MPHOSPH10: variants seen among roughly 807,000 people sequenced by gnomAD.
The protein encoded by MPHOSPH10 is U3 small nucleolar ribonucleoprotein MPP10.
A neutral mutation model predicts 77.3 loss-of-function variants in MPHOSPH10; 33 were observed. The observed-to-expected ratio is 0.43, with a 90% CI of 0.32 to 0.57. The LOEUF is 0.57. Among genes scored for constraint, MPHOSPH10 ranks in the 20% least tolerant of loss-of-function variants. The pLI, the probability that MPHOSPH10 is intolerant of heterozygous loss-of-function variation, is 0.07. For synonymous variants in MPHOSPH10, 245 were observed against 268.0 expected, an observed-to-expected ratio of 0.91 and a Z score of 0.84; for missense variants, 708 against 780.1, an observed-to-expected ratio of 0.91 and a Z score of 1.10.
chr2:71,134,878 A>G, intron 4 of MPHOSPH10, 81 bp downstream of exon 4: 1 of 1,180,478 alleles, frequency 8.5e-7, no homozygotes. Flanking sequence ...TTGAAAACAA[A>G]TATCTTGGCC....
intron 8 of MPHOSPH10, among the ~76,000 whole-genome samples, chr2:71,144,940 A>C (rs1034231892): frequency 6.6e-6 from 1 of 152,198 alleles, no homozygotes. Context: ...AGTATCTGCT[A>C]TGTGTCATAT....
intron 7 of MPHOSPH10, among the ~76,000 whole-genome samples, chr2:71,143,983 C>T (rs1348472264): frequency 6.6e-6 from 1 of 152,194 alleles, no homozygotes; most frequent in Non-Finnish European, 1.5e-5. Flanking sequence ...TGGTAATTCT[C>T]TGTGTAGCTT....
chr2:71,133,605 T>TTTC lies in MPHOSPH10; in HGVS notation c.768+30_768+31insTCT, dbSNP rs138856662. ...AAGTTTTGAGAGAAGAGAGAGCACTTTCCTCCTCAAATTAGCTTTTCTTCT... is the reference window on the plus strand; with the variant it reads ...AAGTTTTGAGAGAAGAGAGAGCACTTTTCTCCTCCTCAAATTAGCTTTTCTTCT... On this transcript the variant is annotated intron_variant, in intron 2 of 10. Transcript: ENST00000244230. 5.3e-6 allele frequency: 8 copies of TTTC among 1,522,454 alleles called. No homozygotes were observed. In the African/African-American group the frequency reaches 8.4e-5, roughly 16 times the overall value. 94.3% of individuals were successfully genotyped at this position (1,522,454 alleles called of 1,614,324 possible). A position where few individuals can be genotyped will look rare whatever the true frequency, so the allele number is the denominator to read the frequency against.
At chr2:71,142,727 C>T (rs72905531) in intron 7 of MPHOSPH10, among the ~76,000 whole-genome samples, 4 of 152,060 alleles carry the variant, frequency 2.6e-5, no homozygotes, top group African/African-American at 9.7e-5. Context: ...GTGTGAGGTA[C>T]GTTAAAATAG....
intron 4 of MPHOSPH10, among the ~76,000 whole-genome samples, chr2:71,136,873 T>A (rs1482066693): frequency 7.0e-6 from 1 of 142,344 alleles, no homozygotes; most frequent in Non-Finnish European, 1.5e-5. Context: ...TTTGAAACTG[T>A]TAGGTCATGA....
chr2:71,149,063 C>A (rs904082007), intron 9 of MPHOSPH10, 160 bp from the exon 10 acceptor site: 6 of 651,630 alleles, frequency 9.2e-6, no homozygotes, highest in Non-Finnish European at 1.3e-5. Context: ...AGCTGAGTTA[C>A]CAACGCTCAT....
chr2:71,130,970 A>C, intron 1 of MPHOSPH10: 2 of 537,904 alleles, frequency 3.7e-6, no homozygotes, highest in East Asian at 3.2e-5. Context: ...TACTGAAATC[A>C]CTCTAACCTC....
intron 1 of MPHOSPH10, 104 bp downstream of exon 1, chr2:71,130,858 G>A: frequency 9.1e-7 from 1 of 1,098,618 alleles, no homozygotes; most frequent in Non-Finnish European, 1.3e-6. Flanking sequence ...AAGGGGAAAC[G>A]TAAAATCGCT....
chr2:71,132,113 C>T (rs1165089507), intron 1 of MPHOSPH10, among the ~76,000 whole-genome samples: 1 of 152,164 alleles, frequency 6.6e-6, no homozygotes, highest in African/African-American at 2.4e-5. Flanking sequence ...TCAGTTCTAC[C>T]TCCAAACTAT....
chr2:71,147,990 C>A lies in MPHOSPH10; in HGVS notation c.1558-9C>A, dbSNP rs374907572. 21 of 1,610,226 alleles carry A rather than the reference C, an allele frequency of 1.3e-5. No individual in the cohort carries two copies. The African/African-American group carries it at 2.8e-4, about 22-fold the overall frequency. On this transcript the variant is annotated splice_polypyrimidine_tract_variant and intron_variant, in intron 8 of 10. Coordinates refer to ENST00000244230, the MANE Select transcript of MPHOSPH10 (RefSeq NM_005791.3). ...TGGCTTCCCATTGAATGTATTATCT[C>A]TTTTCTAGCCTGTACCAGAGATTAA... is the stretch of plus-strand genomic sequence containing the variant.
Position 71,141,298 on chromosome 2 carries a change from A to C in MPHOSPH10, c.1375A>C (p.Thr459Pro). 1 of 1,574,514 alleles carries C rather than the reference A, an allele frequency of 6.4e-7. No homozygotes were observed. Among genetic ancestry groups the C allele is most frequent in the South Asian group, 1.2e-5 (1 of 83,444 alleles). The change falls in exon 7 of 11, where the codon ACC becomes CCC. Residue 459 changes from threonine (T) to proline (P), a missense_variant. Thr to Pro is a conservative substitution (Grantham distance 38). Coordinates refer to ENST00000244230, the MANE Select transcript of MPHOSPH10 (RefSeq NM_005791.3). ...EDAYEYKKRL[T>P]LDHEKSKLSL... ...TGCATATGAATATAAAAAGCGTTTA[A>C]CCTTAGACCATGAGAAGAGTAAATT... is the stretch of plus-strand genomic sequence containing the variant.
At chr2:71,143,423 G>A (rs188616266) in intron 7 of MPHOSPH10, among the ~76,000 whole-genome samples, 7 of 152,114 alleles carry the variant, frequency 4.6e-5, no homozygotes, top group Admixed American at 3.3e-4. Flanking sequence ...GAGCCACCGC[G>A]CCCAGCCAGC....
intron 4 of MPHOSPH10, 40 bp from the exon 5 acceptor site, chr2:71,138,450 A>C (rs1014777466): frequency 4.9e-6 from 7 of 1,429,588 alleles, no homozygotes; most frequent in Non-Finnish European, 6.6e-6. Flanking sequence ...ATAAGATTTT[A>C]TTTTCTAAAT....
chr2:71,141,988 C>T (rs893512787), intron 7 of MPHOSPH10, among the ~76,000 whole-genome samples: 5 of 151,960 alleles, frequency 3.3e-5, no homozygotes, highest in African/African-American at 9.7e-5. Context: ...GCCCAGATCG[C>T]GCCACTGCTC....
At chr2:71,130,832 G>A (rs1673362985) in intron 1 of MPHOSPH10, 78 bp downstream of exon 1, 1 of 1,347,962 alleles carries the variant, frequency 7.4e-7, no homozygotes, top group African/African-American at 1.4e-5. Flanking sequence ...GGCAAATTGT[G>A]GAGCTGGGGG....
intron 8 of MPHOSPH10, among the ~76,000 whole-genome samples, chr2:71,146,023 G>A (rs982014215): frequency 4.6e-5 from 7 of 152,134 alleles, no homozygotes; most frequent in African/African-American, 9.7e-5. Flanking sequence ...GCAGTCATTC[G>A]CTAGTTGTTC....
At chr2:71,134,514 T>C (rs776728993) in intron 3 of MPHOSPH10, 112 bp from the exon 4 acceptor site, 3 of 926,334 alleles carry the variant, frequency 3.2e-6, no homozygotes, top group African/African-American at 1.7e-5. Context: ...TTCTGAGTAT[T>C]TGGTTGCATT....
At chr2:71,149,824 A>T in intron 10 of MPHOSPH10, 42 bp from the exon 11 acceptor site, 1 of 1,489,556 alleles carries the variant, frequency 6.7e-7, no homozygotes, top group Non-Finnish European at 8.9e-7. Context: ...TTCACTTATA[A>T]GTACATTTTA....
At position 71,144,353 on chromosome 2, in the gene MPHOSPH10, C is replaced by T. The variant is rs531585383; in HGVS notation, c.1447-75C>T. ...AGTGATGAGAAGTTAGAAATACTCTCATTGACCTTTAGTGTTTTGTCCTGT... is the reference window on the plus strand; with the variant it reads ...AGTGATGAGAAGTTAGAAATACTCTTATTGACCTTTAGTGTTTTGTCCTGT... On this transcript the variant is annotated intron_variant, in intron 7 of 10. Transcript: ENST00000244230. The T allele has an allele frequency of 1.7e-5, 18 of 1,078,092 alleles. No individual in the cohort carries two copies. In the Middle Eastern group the frequency reaches 1.2e-3, roughly 73 times the overall value. 66.8% of individuals were successfully genotyped at this position (1,078,092 alleles called of 1,614,324 possible). A position where few individuals can be genotyped will look rare whatever the true frequency, so the allele number is the denominator to read the frequency against.
Sources: gnomAD v4.1 joint callset for allele counts (sites outside exome capture counted in the v4.1 genomes callset) on GRCh38, gnomAD v4.1.1 for gene constraint, MANE v1.5 for transcripts, NCBI Gene and HGNC (gene_info 2026-07-23, HGNC 2026-07-21) for gene names.